DAPK1: variants seen among roughly 807,000 people sequenced by gnomAD.
DAPK1 encodes death associated protein kinase 1.
A neutral mutation model predicts 144.9 loss-of-function variants in DAPK1; 56 were observed. That is an observed-to-expected ratio of 0.39 (90% CI 0.31 to 0.48). The LOEUF is 0.48. Ranked by LOEUF, DAPK1 falls within the 20% of genes least tolerant of loss-of-function variation. The pLI, the probability that DAPK1 is intolerant of heterozygous loss-of-function variation, is 0.95. For missense variants in DAPK1, 1,454 were observed against 1,875.4 expected (o/e 0.78, Z 4.15); for synonymous variants, 690 against 749.0 (o/e 0.92, Z 1.29).
chr9:87,615,613 T>C (rs1270372261), intron 3 of DAPK1, among the ~76,000 whole-genome samples: 1 of 152,218 alleles, frequency 6.6e-6, no homozygotes, highest in African/African-American at 2.4e-5. Context: ...TAGGCATGGG[T>C]CTTCCCAAAC....
In DAPK1 at chr9:87,551,884, G is replaced by A. The variant is rs374293238; in HGVS notation, c.62+52745G>A. Among the ~76,000 whole-genome samples the A allele has an allele frequency of 4.6e-5, 7 of 152,134 alleles. No homozygotes were observed. The East Asian group carries it at 5.8e-4, about 13-fold the overall frequency. On this transcript the variant is annotated intron_variant, in intron 2 of 25. Transcript: ENST00000408954. ...AGGGGCGGGCGCTGCTGATAGACAC[G>A]TGAAAGTCTAGCCTGCAGCAGATGT...
intron 2 of DAPK1, among the ~76,000 whole-genome samples, chr9:87,537,646 A>G (rs1274018255): frequency 2.6e-5 from 4 of 151,880 alleles, no homozygotes; most frequent in African/African-American, 7.3e-5. Context: ...ATATGATATG[A>G]TCTGTGTGTG....
chr9:87,579,541 C>T (rs552498696), intron 2 of DAPK1, among the ~76,000 whole-genome samples: 2 of 152,270 alleles, frequency 1.3e-5, no homozygotes, highest in African/African-American at 4.8e-5. Flanking sequence ...GGCACCTTTA[C>T]ATCCTAGTTG....
At chr9:87,504,705 T>G (rs756876299) in intron 2 of DAPK1, among the ~76,000 whole-genome samples, 10 of 152,222 alleles carry the variant, frequency 6.6e-5, no homozygotes, top group Non-Finnish European at 1.5e-4. Flanking sequence ...TTCCAGGACC[T>G]CTGGGGACAC....
At chr9:87,620,545 G>A (rs1307054271) in intron 3 of DAPK1, among the ~76,000 whole-genome samples, 1 of 147,544 alleles carries the variant, frequency 6.8e-6, no homozygotes, top group African/African-American at 2.5e-5. Flanking sequence ...AGTCAAGAAG[G>A]AGGAAGAGAA....
At chr9:87,643,879 C>A (rs1297295018) in intron 11 of DAPK1, among the ~76,000 whole-genome samples, 1 of 152,152 alleles carries the variant, frequency 6.6e-6, no homozygotes, top group Non-Finnish European at 1.5e-5. Context: ...ACTGTAGCCA[C>A]TGACATAGAA....
intron 2 of DAPK1, among the ~76,000 whole-genome samples, chr9:87,571,544 C>T (rs1450304563): frequency 1.4e-5 from 2 of 146,436 alleles, no homozygotes; most frequent in African/African-American, 5.1e-5. Flanking sequence ...GCGAAGCAGG[C>T]GGAGAGGGAA....
rs36216620 is a variant in DAPK1 at position 87,670,100 on chromosome 9, T to C, written c.2001+1426T>C. 2.4e-3 allele frequency among the ~76,000 whole-genome samples: 370 copies of C among 152,284 alleles called. 4 individuals carry two copies. Among genetic ancestry groups the C allele is most frequent in the African/African-American group, 8.6e-3 (357 of 41,556 alleles). On this transcript the variant is annotated intron_variant, in intron 19 of 25. Transcript: ENST00000408954. ...TTATGGGCTCAGTGATTTCTCACTCTGTACCATTATGGACTGTGTCATTAT... is the reference window on the plus strand; with the variant it reads ...TTATGGGCTCAGTGATTTCTCACTCCGTACCATTATGGACTGTGTCATTAT...
At chr9:87,593,215 T>C (rs1446264752) in intron 2 of DAPK1, among the ~76,000 whole-genome samples, 1 of 152,208 alleles carries the variant, frequency 6.6e-6, no homozygotes, top group Non-Finnish European at 1.5e-5. Flanking sequence ...AAATGCCACA[T>C]AGTGCCAGTG....
chr9:87,696,900 A>AT, intron 21 of DAPK1, 107 bp from the exon 22 acceptor site: 1 of 752,978 alleles, frequency 1.3e-6, no homozygotes. Flanking sequence ...GAAGAATGCC[A>AT]TAAGTATCAC....
intron 2 of DAPK1, among the ~76,000 whole-genome samples, chr9:87,577,316 A>G (rs974858822): frequency 6.6e-6 from 1 of 152,168 alleles, no homozygotes; most frequent in African/African-American, 2.4e-5. Context: ...TGTTTTAACT[A>G]GACTTCAGGT....
chr9:87,633,057 TA>T, intron 3 of DAPK1: 1 of 976,176 alleles, frequency 1.0e-6, no homozygotes, highest in Non-Finnish European at 1.2e-6. Context: ...AGTATATATG[TA>T]AGATGAAGGA....
chr9:87,684,117 G>A (rs1464006617), intron 20 of DAPK1, among the ~76,000 whole-genome samples: 6 of 152,262 alleles, frequency 3.9e-5, no homozygotes, highest in African/African-American at 7.2e-5. Flanking sequence ...GACAGCGCCC[G>A]GGAAATGCAG....
chr9:87,578,661 C>T (rs1052117902), intron 2 of DAPK1, among the ~76,000 whole-genome samples: 1 of 152,190 alleles, frequency 6.6e-6, no homozygotes, highest in Non-Finnish European at 1.5e-5. Context: ...TCTTAAAATA[C>T]AAAACCCAAA....
chr9:87,633,161 A>G (rs1279697394), intron 3 of DAPK1: 2 of 983,222 alleles, frequency 2.0e-6, no homozygotes, highest in Middle Eastern at 5.2e-4. Flanking sequence ...GAGGATGAGT[A>G]TATATGTAGG....
chr9:87,692,490 T>C (rs1200366472), intron 21 of DAPK1, among the ~76,000 whole-genome samples: 1 of 152,210 alleles, frequency 6.6e-6, no homozygotes, highest in Non-Finnish European at 1.5e-5. Context: ...ATTGTTAATA[T>C]GTGAGGGTTT....
intron 21 of DAPK1, among the ~76,000 whole-genome samples, chr9:87,689,457 C>G (rs979663814): frequency 3.9e-5 from 6 of 152,116 alleles, no homozygotes; most frequent in African/African-American, 1.4e-4. Context: ...ATCTCCCATT[C>G]TACAAATTGT....
chr9:87,613,591 G>A (rs1461877667), intron 3 of DAPK1, among the ~76,000 whole-genome samples: 1 of 152,154 alleles, frequency 6.6e-6, no homozygotes, highest in Non-Finnish European at 1.5e-5. Context: ...GTATGTAGAC[G>A]AACACATGGT....
intron 2 of DAPK1, among the ~76,000 whole-genome samples, chr9:87,522,944 C>T (rs1302581147): frequency 1.3e-5 from 2 of 152,104 alleles, no homozygotes; most frequent in African/African-American, 4.8e-5. Context: ...CGTTTGTAGA[C>T]TTTTATTAAT....
Sources: allele counts gnomAD v4.1 joint callset (sites outside exome capture counted in the v4.1 genomes callset), GRCh38; gene constraint gnomAD v4.1.1; transcripts MANE v1.5; gene names NCBI Gene and HGNC (gene_info 2026-07-23, HGNC 2026-07-21).